MYH2: variants seen among roughly 807,000 people sequenced by gnomAD.
MYH2 encodes the protein myosin-2.
A neutral mutation model predicts 228.1 loss-of-function variants in MYH2; 139 were observed. The ratio of observed to expected loss-of-function variants is 0.61; its 90% CI spans 0.53 to 0.70. The LOEUF (loss-of-function observed/expected upper bound fraction) is 0.70, where lower values mean the gene tolerates loss of function less well. Ranked by LOEUF, MYH2 falls within the 30% of genes least tolerant of loss-of-function variation. The pLI, the probability that MYH2 is intolerant of heterozygous loss-of-function variation, is 0.00. For missense variants in MYH2, 1,809 were observed against 2,357.5 expected (o/e 0.77, Z 4.82); for synonymous variants, 796 against 871.1 (o/e 0.91, Z 1.52).
intron 14 of MYH2, among the ~76,000 whole-genome samples, chr17:10,538,834 T>G (rs1213255723): frequency 6.6e-6 from 1 of 152,196 alleles, no homozygotes; most frequent in Non-Finnish European, 1.5e-5. Flanking sequence ...AATATGAATT[T>G]TTATTTCATG....
intron 39 of MYH2, among the ~76,000 whole-genome samples, chr17:10,522,009 A>G (rs941463477): frequency 2.0e-5 from 3 of 152,174 alleles, no homozygotes; most frequent in Non-Finnish European, 2.9e-5. Context: ...AAGACTTACT[A>G]CTTAGTAATT....
chr17:10,540,359 C>CAAAA lies in MYH2; in HGVS notation c.1008+231_1008+234dup, dbSNP rs56139789. Among the ~76,000 whole-genome samples, 700 of 149,164 alleles carry CAAAA rather than the reference C, an allele frequency of 4.7e-3. 4 individuals carry two copies. Among genetic ancestry groups the CAAAA allele is most frequent in the Middle Eastern group, 0.01 (3 of 290 alleles). On this transcript the variant is annotated intron_variant, in intron 11 of 39. Transcript: ENST00000245503. Reference sequence around the variant, plus strand: ...GTAGGAATCTAATGCAAGTCAATTGCAAAAAAAAAAAAATAGTTTAGAAAT... The same window carrying CAAAA: ...GTAGGAATCTAATGCAAGTCAATTGCAAAAAAAAAAAAAAAAATAGTTTAGAAAT...
Position 10,536,600 on chromosome 17 carries a change from G to A in MYH2, c.1904C>T (p.Ala635Val), listed in dbSNP as rs777903117. 1 of 1,613,226 alleles carries A rather than the reference G, an allele frequency of 6.2e-7. No individual in the cohort carries two copies. The highest frequency in any genetic ancestry group is 1.7e-5 in the Admixed American group (1 of 59,978). Residue 635 changes from alanine to valine, a missense_variant, in exon 17 of 40, where the codon GCT becomes GTT. By Grantham distance (64) the Ala-to-Val change is moderately conservative. Coordinates refer to ENST00000245503, the MANE Select transcript of MYH2 (RefSeq NM_017534.6). The stretch of plus-strand genomic sequence containing the variant: ...ACCACCTTTCTTGGCCCCTCCACCA[G>A]CTCCCTCTGAAGAAAAAGGAAGAAA... ...SGAQTAEGEG[A>V]GGGAKKGGKK...
chr17:10,526,871 C>G, intron 29 of MYH2, 67 bp downstream of exon 29: 2 of 1,612,936 alleles, frequency 1.2e-6, no homozygotes, highest in Middle Eastern at 3.3e-4. Context: ...CTTTTGAAAG[C>G]TGGTATAACA....
At chr17:10,522,661 T>A (rs1597446794) in intron 39 of MYH2, among the ~76,000 whole-genome samples, 2 of 152,250 alleles carry the variant, frequency 1.3e-5, no homozygotes, top group South Asian at 2.1e-4. Flanking sequence ...CAGCTTTGAC[T>A]ACATTCTGTA....
Position 10,531,947 on chromosome 17 carries a change from G to A in MYH2, c.2442-59C>T, listed in dbSNP as rs553719390. ...GGTTGATGCAATGGGATGAAACCTT[G>A]GCAGTGAGAGTTGGAGGTTCTGCTT... On this transcript the variant is annotated intron_variant, in intron 21 of 39. Coordinates refer to ENST00000245503, the MANE Select transcript of MYH2 (RefSeq NM_017534.6). 141 of 1,598,398 alleles carry A rather than the reference G, an allele frequency of 8.8e-5. No individual in the cohort carries two copies. The African/African-American group carries it at 1.6e-3, about 18-fold the overall frequency.
At position 10,523,812 on chromosome 17, in the gene MYH2, T is replaced by G; in HGVS notation, c.5248A>C (p.Ile1750Leu). 1 of 1,614,234 alleles carries G rather than the reference T, an allele frequency of 6.2e-7. No homozygotes were observed. The highest frequency in any genetic ancestry group is 8.5e-7 in the Non-Finnish European group (1 of 1,180,028). The change falls in exon 36 of 40, where the codon ATT becomes CTT. Residue 1750 changes from isoleucine (I) to leucine (L), a missense_variant. Transcript: ENST00000245503. ...TCTGCATTGCGGGCTTCCTGGAGAA[T>G]GTCCTCCATCTCTCCTTGCATTTGG... is the stretch of plus-strand genomic sequence containing the variant. ...ISQMQGEMED[I>L]LQEARNAEEK...
chr17:10,547,585 T>C lies in MYH2; in HGVS notation c.238A>G (p.Met80Val), dbSNP rs377247152. 1 of 1,614,164 alleles carries C rather than the reference T, an allele frequency of 6.2e-7. No individual in the cohort carries two copies. The highest frequency in any genetic ancestry group is 8.5e-7 in the Non-Finnish European group (1 of 1,180,024). Residue 80 changes from methionine (M) to valine (V), a missense_variant, in exon 4 of 40, where the codon ATG becomes GTG. Met to Val is a conservative substitution (Grantham distance 21). Around this residue, in one of 9 missense-constraint regions of MYH2, gnomAD observed 373 missense variants for 620.4 expected, o/e 0.60. Transcript: ENST00000245503. ...ATCTTGTCATATTTGGGAGGGTTCA[T>C]GGGGAAGACCTGATCATCCTTCACT... ...LTVKDDQVFP[M>V]NPPKYDKIED... is the part of the protein sequence containing the mutation.
Position 10,521,246 on chromosome 17 carries a change from C to T in MYH2, c.*34G>A. The T allele has an allele frequency of 6.2e-7, 1 of 1,611,358 alleles. No homozygotes were observed. Among genetic ancestry groups the T allele is most frequent in the Non-Finnish European group, 8.5e-7 (1 of 1,178,922 alleles). ...TGACCAAAGATGTCACATTTTGTGC[C>T]TGTCTTCAGTCATTCCATGGCATCA... is the stretch of plus-strand genomic sequence containing the variant. On this transcript the variant is annotated 3_prime_UTR_variant, in exon 40 of 40. Coordinates refer to ENST00000245503, the MANE Select transcript of MYH2 (RefSeq NM_017534.6).
chr17:10,540,990 A>T (rs2073545949), intron 10 of MYH2, among the ~76,000 whole-genome samples: 1 of 152,152 alleles, frequency 6.6e-6, no homozygotes, highest in Non-Finnish European at 1.5e-5. Context: ...TACTCTTGTG[A>T]TTTCCTATGC....
At chr17:10,533,100 TA>T (rs2073443030) in intron 21 of MYH2, among the ~76,000 whole-genome samples, 184 bp downstream of exon 21, 1 of 152,234 alleles carries the variant, frequency 6.6e-6, no homozygotes, top group African/African-American at 2.4e-5. Flanking sequence ...CTCAAGTTTT[TA>T]CCCATGCAAT....
chr17:10,536,655 C>A, intron 16 of MYH2, 49 bp from the exon 17 acceptor site: 12 of 1,543,490 alleles, frequency 7.8e-6, no homozygotes, highest in Non-Finnish European at 1.1e-5. Context: ...GGCAGGGCTA[C>A]TTCTTGCGTA....
At chr17:10,534,816 C>T (rs1429847050) in intron 19 of MYH2, among the ~76,000 whole-genome samples, 1 of 152,156 alleles carries the variant, frequency 6.6e-6, no homozygotes, top group African/African-American at 2.4e-5. Flanking sequence ...ACTTGGGAGG[C>T]TGAGGCAGGA....
At chr17:10,534,831 C>T (rs1443668526) in intron 19 of MYH2, among the ~76,000 whole-genome samples, 2 of 152,130 alleles carry the variant, frequency 1.3e-5, no homozygotes, top group Non-Finnish European at 2.9e-5. Context: ...GCAGGAGAAT[C>T]GCTTGAACCC....
rs748792149 is a variant in MYH2 at position 10,540,029 on chromosome 17, T to C, written c.1046A>G (p.Lys349Arg). 2.2e-5 allele frequency: 36 copies of C among 1,613,890 alleles called. No homozygotes were observed. In the Admixed American group the frequency reaches 5.8e-4, roughly 26 times the overall value. ...IDILGFTNEE[K>R]VSIYKLTGAV... ...CCCCGTGAGCTTGTAAATGGAGACC[T>C]TTTCTTCATTAGTAAAGCCCAAAAT... Residue 349 changes from lysine (K) to arginine (R), a missense_variant, in exon 12 of 40, where the codon AAG (lysine) becomes AGG (arginine). Physicochemically the swap from Lys to Arg is conservative, Grantham distance 26. Around this residue, in one of 9 missense-constraint regions of MYH2, gnomAD observed 373 missense variants for 620.4 expected, o/e 0.60. Coordinates refer to ENST00000245503, the MANE Select transcript of MYH2 (RefSeq NM_017534.6).
At position 10,531,891 on chromosome 17, in the gene MYH2, G is replaced by C; in HGVS notation, c.2442-3C>G. Reference sequence around the variant, plus strand: ...ACTGGATACAGAAGATGGCCTCCCTGAAATTTAATTGATGCAAATTAGTAT... The same window carrying C: ...ACTGGATACAGAAGATGGCCTCCCTCAAATTTAATTGATGCAAATTAGTAT... On this transcript the variant is annotated splice_polypyrimidine_tract_variant and splice_region_variant and intron_variant, in intron 21 of 39. Transcript: ENST00000245503. 6.2e-7 allele frequency: 1 copy of C among 1,614,016 alleles called. No homozygotes were observed. Among genetic ancestry groups the C allele is most frequent in the Non-Finnish European group, 8.5e-7 (1 of 1,179,948 alleles).
chr17:10,543,447 AG>A (rs1379272444), intron 8 of MYH2, among the ~76,000 whole-genome samples: 1 of 152,224 alleles, frequency 6.6e-6, no homozygotes, highest in Admixed American at 6.5e-5. Context: ...GTATTTCGTA[AG>A]TACAATTATT....
intron 17 of MYH2, 58 bp downstream of exon 17, chr17:10,536,472 C>T (rs1029580712): frequency 2.1e-6 from 3 of 1,417,582 alleles, no homozygotes; most frequent in Admixed American, 3.5e-5. Context: ...GAAAAACAGA[C>T]CCATGTAAAA....
At chr17:10,539,388 T>G (rs2073523191) in intron 13 of MYH2, 34 bp from the exon 14 acceptor site, 1 of 1,614,042 alleles carries the variant, frequency 6.2e-7, no homozygotes, top group South Asian at 1.1e-5. Flanking sequence ...TCGAAGTTAT[T>G]AAAGGCCTAT....
Sources: gnomAD v4.1 joint callset for allele counts (sites outside exome capture counted in the v4.1 genomes callset) on GRCh38, gnomAD v4.1.1 for gene constraint, gnomAD v4.1.1 regional missense constraint, MANE v1.5 for transcripts, NCBI Gene and HGNC (gene_info 2026-07-23, HGNC 2026-07-21) for gene names.